Variants in DTNBP1 observed in about 807,000 individuals in gnomAD.
DTNBP1 encodes dysbindin.
A neutral mutation model predicts 42.8 loss-of-function variants in DTNBP1; 35 were observed. The ratio of observed to expected loss-of-function variants is 0.82; its 90% confidence interval spans 0.63 to 1.09. The LOEUF is 1.09. Among genes scored for constraint, DTNBP1 ranks in the 50% least tolerant of loss-of-function variants. The probability of loss-of-function intolerance (pLI) is 0.00; values close to 1 mark genes in which losing one functional copy is unlikely to be tolerated. For synonymous variants in DTNBP1, 171 were observed against 162.2 expected (o/e 1.05, Z -0.41); for missense variants, 457 against 424.2 (o/e 1.08, Z -0.68).
chr6:15,551,204 C>G (rs1056035446), intron 7 of DTNBP1, among the ~76,000 whole-genome samples: 4 of 151,662 alleles, frequency 2.6e-5, no homozygotes, highest in Non-Finnish European at 4.4e-5. Flanking sequence ...CTGCTTGGGG[C>G]CCTCAGCAGG....
At chr6:15,649,034 G>A (rs1237542088) in intron 3 of DTNBP1, among the ~76,000 whole-genome samples, 1 of 152,108 alleles carries the variant, frequency 6.6e-6, no homozygotes, top group Non-Finnish European at 1.5e-5. Context: ...AGGATAGGAA[G>A]AAATTAGAAC....
At chr6:15,648,485 T>C (rs1760807158) in intron 3 of DTNBP1, among the ~76,000 whole-genome samples, 1 of 152,030 alleles carries the variant, frequency 6.6e-6, no homozygotes, top group African/African-American at 2.4e-5. Context: ...GATATGATCT[T>C]ATATGCAGAA....
chr6:15,627,527 A>T (rs764705723), intron 4 of DTNBP1, 52 bp from the exon 5 acceptor site: 1 of 1,610,950 alleles, frequency 6.2e-7, no homozygotes, highest in Non-Finnish European at 8.5e-7. Flanking sequence ...AGGCACAAAG[A>T]AAGTACAGTT....
chr6:15,622,018 G>A (rs536503948), intron 5 of DTNBP1, among the ~76,000 whole-genome samples: 1 of 152,262 alleles, frequency 6.6e-6, no homozygotes, highest in Admixed American at 6.5e-5. Flanking sequence ...GGCCTTAAAG[G>A]TGCAGACTGT....
chr6:15,524,017 C>A (rs1772151023), intron 9 of DTNBP1: 1 of 1,289,500 alleles, frequency 7.8e-7, no homozygotes, highest in African/African-American at 1.5e-5. Context: ...ATATTTGCTG[C>A]ATGAATGTGA....
At chr6:15,637,307 GTATT>G (rs1760086510) in intron 4 of DTNBP1, among the ~76,000 whole-genome samples, 1 of 152,036 alleles carries the variant, frequency 6.6e-6, no homozygotes, top group African/African-American at 2.4e-5. Context: ...TGAAATTTTT[GTATT>G]TATTTGTTAG....
At chr6:15,542,885 A>C (rs940939279) in intron 7 of DTNBP1, among the ~76,000 whole-genome samples, 1 of 151,950 alleles carries the variant, frequency 6.6e-6, no homozygotes, top group Non-Finnish European at 1.5e-5. Flanking sequence ...TTTTTAGTGG[A>C]GACAGGGTTT....
intron 8 of DTNBP1, among the ~76,000 whole-genome samples, chr6:15,526,830 A>C (rs1026745171): frequency 3.9e-5 from 6 of 152,174 alleles, no homozygotes. Context: ...GGAGAGAAAA[A>C]ACTGGACTAA....
At chr6:15,571,713 A>G (rs1414310765) in intron 7 of DTNBP1, among the ~76,000 whole-genome samples, 4 of 152,182 alleles carry the variant, frequency 2.6e-5, no homozygotes, top group Non-Finnish European at 5.9e-5. Flanking sequence ...TATTGTCACT[A>G]TTGACTGTCT....
Position 15,653,016 on chromosome 6 carries a change from CT to C in DTNBP1, c.57-877del, listed in dbSNP as rs1012065772. Among the ~76,000 whole-genome samples the C allele has an allele frequency of 3.1e-4, 47 of 152,266 alleles. No individual in the cohort carries two copies. In the Middle Eastern group the frequency reaches 0.01, roughly 33 times the overall value. On this transcript the variant is annotated intron_variant, in intron 1 of 9. Coordinates refer to ENST00000344537, the MANE Select transcript of DTNBP1 (RefSeq NM_032122.5). ...CACAAAAACATAATTTATCTGGCAT[CT>C]TTAGAAAAAGTAATGTTCCACATAG... is the stretch of plus-strand genomic sequence containing the variant.
intron 9 of DTNBP1, chr6:15,524,219 C>A: frequency 6.5e-7 from 1 of 1,532,696 alleles, no homozygotes; most frequent in South Asian, 1.2e-5. Context: ...AGTCCTTAAC[C>A]ACAAGGAGCA....
intron 8 of DTNBP1, among the ~76,000 whole-genome samples, chr6:15,524,925 T>C (rs1386737011): frequency 1.3e-5 from 2 of 152,240 alleles, no homozygotes; most frequent in African/African-American, 4.8e-5. Context: ...TGAAGACTAA[T>C]CTCTGCATTA....
intron 5 of DTNBP1, among the ~76,000 whole-genome samples, chr6:15,622,946 A>G (rs572158303): frequency 1.3e-5 from 2 of 152,250 alleles, no homozygotes; most frequent in African/African-American, 2.4e-5. Flanking sequence ...CTTATGGAAC[A>G]AAGAACTCTC....
In DTNBP1 at chr6:15,533,367, C is replaced by A; in HGVS notation, c.540G>T (p.Lys180Asn). ...KAELDAEHAQ[K>N]VLEMEHTQQM... ...GCTGGGTGTGCTCCATTTCCAGGAC[C>A]TTCTGGGCGTGCTCTGCATCTAGTT... is the stretch of plus-strand genomic sequence containing the variant. The change falls in exon 8 of 10, where the codon AAG becomes AAT. Residue 180 changes from lysine to asparagine, a missense_variant. By Grantham distance (94) the Lys-to-Asn change is moderately conservative (BLOSUM62 0). Transcript: ENST00000344537. The A allele has an allele frequency of 1.9e-6, 3 of 1,614,210 alleles. No homozygotes were observed. Among genetic ancestry groups the A allele is most frequent in the Non-Finnish European group, 2.5e-6 (3 of 1,180,044 alleles).
At chr6:15,644,438 G>C (rs1760558657) in intron 3 of DTNBP1, among the ~76,000 whole-genome samples, 2 of 152,108 alleles carry the variant, frequency 1.3e-5, no homozygotes, top group Admixed American at 1.3e-4. Context: ...GGACCTAATG[G>C]ACATCTACAG....
chr6:15,590,162 G>A (rs1425082865), intron 7 of DTNBP1, among the ~76,000 whole-genome samples: 1 of 152,150 alleles, frequency 6.6e-6, no homozygotes, highest in Non-Finnish European at 1.5e-5. Flanking sequence ...TCGAATGCCT[G>A]ACCTCAAGTG....
Position 15,595,333 on chromosome 6 carries a change from T to C in DTNBP1, c.489-2252A>G, listed in dbSNP as rs1224293264. 7.9e-5 allele frequency: 31 copies of C among 394,678 alleles called. 1 individual carries two copies. Among genetic ancestry groups the C allele is most frequent in the African/African-American group, 6.3e-4 (28 of 44,604 alleles). 24.4% of individuals were successfully genotyped at this position (394,678 alleles called of 1,614,324 possible). Reference sequence around the variant, plus strand: ...AGGCTGGAGTGCAGCGGTGTGATCTTGGCTCACTGCAACCTCTGCCTCCCG... The same window carrying C: ...AGGCTGGAGTGCAGCGGTGTGATCTCGGCTCACTGCAACCTCTGCCTCCCG... On this transcript the variant is annotated intron_variant, in intron 6 of 9. Coordinates refer to ENST00000344537, the MANE Select transcript of DTNBP1 (RefSeq NM_032122.5).
At chr6:15,564,079 A>T (rs1774960400) in intron 7 of DTNBP1, among the ~76,000 whole-genome samples, 1 of 151,746 alleles carries the variant, frequency 6.6e-6, no homozygotes, top group African/African-American at 2.4e-5. Flanking sequence ...AAAAAAAAAA[A>T]AAAAGAACTC....
rs142628653 is a variant in DTNBP1 at position 15,642,853 on chromosome 6, C to G, written c.162-5049G>C. Among the ~76,000 whole-genome samples the G allele has an allele frequency of 4.0e-3, 614 of 152,270 alleles. 2 individuals carry two copies. Among genetic ancestry groups the G allele is most frequent in the Non-Finnish European group, 6.9e-3 (471 of 68,018 alleles). On this transcript the variant is annotated intron_variant, in intron 3 of 9. Transcript: ENST00000344537. ...ATGGCAAATTCAAAATAAAAAGAGA[C>G]AGCTTCCTCAAATGAGAAGGAATCA... is the stretch of plus-strand genomic sequence containing the variant.
Sources: gnomAD v4.1 joint callset for allele counts (sites outside exome capture counted in the v4.1 genomes callset) on GRCh38, gnomAD v4.1.1 for gene constraint, MANE v1.5 for transcripts, NCBI Gene and HGNC (gene_info 2026-07-23, HGNC 2026-07-21) for gene names.